ENOX1: variants seen among roughly 807,000 people sequenced by gnomAD.
The protein encoded by ENOX1 is ecto-NOX disulfide-thiol exchanger 1.
Under a neutral mutation model 82.5 loss-of-function variants are expected in ENOX1, and 42 were observed. The observed-to-expected ratio is 0.51, with a 90% CI of 0.40 to 0.66. ENOX1 has a LOEUF of 0.66. ENOX1 is among the 30% of genes least tolerant of loss of function. The pLI is 0.00. For missense variants in ENOX1, 608 were observed against 811.6 expected, an observed-to-expected ratio of 0.75 and a Z score of 3.05; for synonymous variants, 271 against 282.2, an observed-to-expected ratio of 0.96 and a Z score of 0.40.
At chr13:43,288,857 T>C (rs1373805527) in intron 12 of ENOX1, among the ~76,000 whole-genome samples, 1 of 152,166 alleles carries the variant, frequency 6.6e-6, no homozygotes, top group African/African-American at 2.4e-5. Flanking sequence ...TAATGGCTCT[T>C]AAAATTAGTA....
intron 2 of ENOX1, among the ~76,000 whole-genome samples, chr13:43,656,700 T>TTCCAGTTTCAGCCTTGAATCTGG: frequency 6.6e-6 from 1 of 152,318 alleles, no homozygotes; most frequent in East Asian, 1.9e-4. Flanking sequence ...GCACCATTGT[T>TTCCAGTTTCAGCCTTGAATCTGG]TCCAGTTTCA....
chr13:43,259,244 T>G (rs1287031995), intron 14 of ENOX1, among the ~76,000 whole-genome samples: 2 of 152,166 alleles, frequency 1.3e-5, no homozygotes, highest in East Asian at 3.8e-4. Flanking sequence ...CCAGATCTGT[T>G]CTTAACCTCT....
chr13:43,489,553 G>A (rs902534616), intron 2 of ENOX1, among the ~76,000 whole-genome samples: 10 of 152,138 alleles, frequency 6.6e-5, no homozygotes, highest in Non-Finnish European at 1.0e-4. Context: ...GGAACTGTGG[G>A]GTCAGAGCCA....
chr13:43,641,529 A>ATTT (rs769737189), intron 2 of ENOX1, among the ~76,000 whole-genome samples: 12,796 of 82,448 alleles, frequency 0.16, 2,250 homozygotes, highest in East Asian at 0.35. Context: ...TTAATTTTTA[A>ATTT]TTTTTTTTTT....
chr13:43,400,340 A>T (rs1192136923), intron 5 of ENOX1, among the ~76,000 whole-genome samples: 1 of 152,120 alleles, frequency 6.6e-6, no homozygotes, highest in Non-Finnish European at 1.5e-5. Context: ...ATTAGCCAGG[A>T]ACTCCCTCCA....
chr13:43,627,188 C>G (rs1235208714), intron 2 of ENOX1, among the ~76,000 whole-genome samples: 1 of 151,910 alleles, frequency 6.6e-6, no homozygotes, highest in Non-Finnish European at 1.5e-5. Context: ...TCTGATGTTT[C>G]TTGTAGATAG....
At chr13:43,593,191 A>G (rs1388981543) in intron 2 of ENOX1, among the ~76,000 whole-genome samples, 2 of 152,154 alleles carry the variant, frequency 1.3e-5, no homozygotes, top group African/African-American at 4.8e-5. Flanking sequence ...TTACCTTCCT[A>G]CAGGCTTTGG....
chr13:43,252,674 G>C (rs2043525366), intron 14 of ENOX1, among the ~76,000 whole-genome samples: 1 of 152,196 alleles, frequency 6.6e-6, no homozygotes, highest in African/African-American at 2.4e-5. Flanking sequence ...TCTGACTTTT[G>C]TGAGACCCTA....
At chr13:43,581,354 G>A (rs1309822775) in intron 2 of ENOX1, among the ~76,000 whole-genome samples, 1 of 151,082 alleles carries the variant, frequency 6.6e-6, no homozygotes, top group South Asian at 2.1e-4. Flanking sequence ...GGATGGTCTC[G>A]ATCTCCTGAC....
At chr13:43,404,191 CTCCT>C (rs2153592673) in intron 5 of ENOX1, among the ~76,000 whole-genome samples, 1 of 152,288 alleles carries the variant, frequency 6.6e-6, no homozygotes, top group African/African-American at 2.4e-5. Flanking sequence ...GGTCACTTAT[CTCCT>C]TAAAACTTCA....
Position 43,250,631 on chromosome 13 carries a change from C to A in ENOX1, c.1612-13893G>T, listed in dbSNP as rs76745661. Among the ~76,000 whole-genome samples the A allele has an allele frequency of 9.8e-3, 1,492 of 152,264 alleles. 29 individuals are homozygous for A. The highest frequency in any genetic ancestry group is 0.034 in the African/African-American group (1,409 of 41,536). Reference sequence around the variant, plus strand: ...GATTAAATGAAGTATCTGTACACCTCAGTTCAGTATAATTTGATTGAATTT... The same window carrying A: ...GATTAAATGAAGTATCTGTACACCTAAGTTCAGTATAATTTGATTGAATTT... On this transcript the variant is annotated intron_variant, in intron 14 of 16. Coordinates refer to ENST00000690772, the MANE Select transcript of ENOX1 (RefSeq NM_001347969.2).
intron 14 of ENOX1, among the ~76,000 whole-genome samples, chr13:43,251,923 T>C (rs1012767648): frequency 2.0e-5 from 3 of 152,182 alleles, no homozygotes; most frequent in Admixed American, 6.5e-5. Context: ...GTGAGACTTA[T>C]ATGTTATGCA....
chr13:43,619,825 G>A (rs1029694202), intron 2 of ENOX1, among the ~76,000 whole-genome samples: 68 of 152,164 alleles, frequency 4.5e-4, no homozygotes, highest in African/African-American at 1.5e-3. Flanking sequence ...CAAAAGGATT[G>A]GGTATCAATT....
At chr13:43,676,638 C>A (rs966362980) in intron 1 of ENOX1, among the ~76,000 whole-genome samples, 50 of 152,094 alleles carry the variant, frequency 3.3e-4, no homozygotes, top group Admixed American at 6.6e-5. Context: ...CCAAAGGACC[C>A]CTACCTTGCA....
At chr13:43,308,074 A>G (rs1273319599) in intron 11 of ENOX1, among the ~76,000 whole-genome samples, 2 of 152,124 alleles carry the variant, frequency 1.3e-5, no homozygotes, top group African/African-American at 4.8e-5. Context: ...GTTCCTGTCT[A>G]TTCTCCTAGA....
chr13:43,571,847 C>T (rs1021052626), intron 2 of ENOX1, among the ~76,000 whole-genome samples: 20 of 152,112 alleles, frequency 1.3e-4, no homozygotes, highest in African/African-American at 3.6e-4. Flanking sequence ...AATCTCTACA[C>T]GTCTGTTTGC....
intron 15 of ENOX1, among the ~76,000 whole-genome samples, chr13:43,232,820 C>T (rs965206638): frequency 3.9e-5 from 6 of 152,042 alleles, no homozygotes; most frequent in Non-Finnish European, 7.4e-5. Flanking sequence ...ATCAACAGGG[C>T]GTCAATCAGA....
In ENOX1 at chr13:43,563,896, G is replaced by A. The variant is rs528983161; in HGVS notation, c.-218-79744C>T. Among the ~76,000 whole-genome samples, 39 of 151,588 alleles carry A rather than the reference G, an allele frequency of 2.6e-4. No homozygotes were observed. In the East Asian group the frequency reaches 7.4e-3, roughly 29 times the overall value. On this transcript the variant is annotated intron_variant, in intron 2 of 16. Coordinates refer to ENST00000690772, the MANE Select transcript of ENOX1 (RefSeq NM_001347969.2). ...AAGCCCAGGACCTGAGGGCTTCACC[G>A]CTGAATTCTCCCAAACATTTAAAGA...
chr13:43,715,596 A>G (rs1308751018), intron 1 of ENOX1, among the ~76,000 whole-genome samples: 1 of 152,126 alleles, frequency 6.6e-6, no homozygotes, highest in East Asian at 1.9e-4. Flanking sequence ...CGTCACTTTC[A>G]GGTACACCAA....
Sources: gnomAD v4.1 joint callset for allele counts (sites outside exome capture counted in the v4.1 genomes callset) on GRCh38, gnomAD v4.1.1 for gene constraint, MANE v1.5 for transcripts, NCBI Gene and HGNC (gene_info 2026-07-23, HGNC 2026-07-21) for gene names.